Variants in ASTN1 observed in about 807,000 individuals in gnomAD.
ASTN1 encodes astrotactin 1.
Under a neutral mutation model 140.7 loss-of-function variants are expected in ASTN1, and 41 were observed. The observed-to-expected ratio is 0.29, with a 90% CI of 0.23 to 0.38. The LOEUF (loss-of-function observed/expected upper bound fraction) is 0.38. ASTN1 is among the 10% of genes least tolerant of loss of function. The pLI is 1.00. For synonymous variants in ASTN1, 640 were observed against 652.2 expected (o/e 0.98, Z 0.29); for missense variants, 1,479 against 1,678.8 (o/e 0.88, Z 2.08).
chr1:176,991,125 C>T (rs1055842729), intron 8 of ASTN1, among the ~76,000 whole-genome samples: 3 of 152,020 alleles, frequency 2.0e-5, no homozygotes, highest in Non-Finnish European at 2.9e-5. Flanking sequence ...ATTATAGAGC[C>T]GGCCGGGTGC....
intron 8 of ASTN1, among the ~76,000 whole-genome samples, chr1:176,991,575 G>A (rs1195907464): frequency 3.9e-5 from 6 of 152,160 alleles, no homozygotes; most frequent in Admixed American, 6.5e-5. Context: ...CAGGCGACCT[G>A]ATCGCTCGAT....
chr1:177,079,246 TTC>T (rs1423954310), intron 1 of ASTN1, among the ~76,000 whole-genome samples: 3 of 151,978 alleles, frequency 2.0e-5, no homozygotes, highest in African/African-American at 7.3e-5. Context: ...TGAGAGAGTG[TTC>T]TGACTGTAGA....
chr1:177,026,421 T>G lies in ASTN1; in HGVS notation c.1121-1689A>C, dbSNP rs564545666. On this transcript the variant is annotated intron_variant, in intron 5 of 22. Coordinates refer to ENST00000361833, the MANE Select transcript of ASTN1 (RefSeq NM_004319.3). ...CTGCCACACATTTGGTTGCTCAAAT[T>G]TAAAAACTCCATTATATCCAACTCT... is the stretch of plus-strand genomic sequence containing the variant. Among the ~76,000 whole-genome samples, 4 of 152,184 alleles carry G rather than the reference T, an allele frequency of 2.6e-5. No individual in the cohort carries two copies. The East Asian group carries it at 7.7e-4, about 29-fold the overall frequency.
chr1:176,981,211 C>CAAA (rs35209486), intron 8 of ASTN1, among the ~76,000 whole-genome samples: 303 of 24,064 alleles, frequency 0.013, 36 homozygotes, highest in African/African-American at 0.025. Context: ...GACTCTGTCT[C>CAAA]AAAAAAAAAA....
At chr1:177,113,067 G>A (rs1680898956) in intron 1 of ASTN1, among the ~76,000 whole-genome samples, 1 of 152,166 alleles carries the variant, frequency 6.6e-6, no homozygotes, top group Non-Finnish European at 1.5e-5. Flanking sequence ...GAGGTCAGCA[G>A]CCCTCCTGAC....
chr1:177,121,683 C>T (rs545049363), intron 1 of ASTN1, among the ~76,000 whole-genome samples: 1 of 152,178 alleles, frequency 6.6e-6, no homozygotes, highest in African/African-American at 2.4e-5. Flanking sequence ...TTCTTTAAGG[C>T]TCTGTGAGCT....
chr1:176,910,219 C>T (rs974567279), intron 16 of ASTN1, among the ~76,000 whole-genome samples: 1 of 152,174 alleles, frequency 6.6e-6, no homozygotes, highest in African/African-American at 2.4e-5. Context: ...CAAGAAGCAA[C>T]CAATGCTGGA....
chr1:176,981,298 C>T (rs1426592133), intron 8 of ASTN1: 1 of 146,370 alleles, frequency 6.8e-6, no homozygotes, highest in African/African-American at 2.5e-5. Context: ...TCAGGACCTA[C>T]AGCTTAAGGA....
chr1:177,045,238 A>G (rs1180331911), intron 2 of ASTN1, among the ~76,000 whole-genome samples: 1 of 152,178 alleles, frequency 6.6e-6, no homozygotes, highest in Non-Finnish European at 1.5e-5. Context: ...TGCTCCCCAT[A>G]TCATGGCTCT....
chr1:177,164,641 G>A lies in ASTN1; in HGVS notation c.36C>T (p.Cys12=), dbSNP rs1415318194. 1.3e-5 allele frequency: 21 copies of A among 1,602,626 alleles called. No homozygotes were observed. The highest frequency in any genetic ancestry group is 2.3e-5 in the East Asian group (1 of 44,440). Residue 12 remains cysteine (C), a synonymous_variant, in exon 1 of 23, where the codon TGC becomes TGT. Transcript: ENST00000361833. ...CCAGCACCGCCGCCGGCCCCCAGCA[G>A]CAGGCGAGCAGGGCGCAGAGCCCGG... ...ALAGLCALLA[C]CWGPAAVLAT...
intron 8 of ASTN1, among the ~76,000 whole-genome samples, chr1:176,993,708 T>A (rs1253327498): frequency 6.6e-6 from 1 of 152,184 alleles, no homozygotes. Flanking sequence ...TGGTAATCTA[T>A]GGGGTAATTT....
At chr1:177,103,149 CACT>C (rs1489832479) in intron 1 of ASTN1, among the ~76,000 whole-genome samples, 1 of 152,176 alleles carries the variant, frequency 6.6e-6, no homozygotes, top group Non-Finnish European at 1.5e-5. Context: ...GTGCAGAAAG[CACT>C]GAGTGATGCA....
At chr1:176,900,241 C>G (rs981628072) in intron 16 of ASTN1, among the ~76,000 whole-genome samples, 1 of 152,160 alleles carries the variant, frequency 6.6e-6, no homozygotes. Context: ...GGATCTCTCC[C>G]ACAAGTAACA....
chr1:176,974,301 A>C (rs1463173571), intron 8 of ASTN1, among the ~76,000 whole-genome samples: 1 of 152,202 alleles, frequency 6.6e-6, no homozygotes, highest in Non-Finnish European at 1.5e-5. Flanking sequence ...ACTTTCAATA[A>C]CCTTGGGATG....
intron 16 of ASTN1, among the ~76,000 whole-genome samples, chr1:176,915,759 G>C (rs968136601): frequency 3.3e-5 from 5 of 152,218 alleles, no homozygotes; most frequent in African/African-American, 1.2e-4. Flanking sequence ...GCGGGGAGGA[G>C]AGGGAGGGCA....
chr1:176,919,337 G>A (rs1485591213), intron 16 of ASTN1, among the ~76,000 whole-genome samples: 1 of 152,158 alleles, frequency 6.6e-6, no homozygotes, highest in Non-Finnish European at 1.5e-5. Context: ...ATGTTTAACT[G>A]TAGATCATTA....
chr1:177,103,149 C>T (rs1680379942), intron 1 of ASTN1, among the ~76,000 whole-genome samples: 2 of 152,176 alleles, frequency 1.3e-5, no homozygotes, highest in Admixed American at 1.3e-4. Flanking sequence ...GTGCAGAAAG[C>T]ACTGAGTGAT....
intron 8 of ASTN1, among the ~76,000 whole-genome samples, chr1:176,967,395 A>G (rs920360798): frequency 5.3e-5 from 8 of 152,186 alleles, no homozygotes; most frequent in African/African-American, 1.9e-4. Context: ...TGAGAAAAAA[A>G]TATTCCCTAT....
chr1:176,934,266 C>G lies in ASTN1; in HGVS notation c.2557G>C (p.Gly853Arg). The change falls in exon 16 of 23, where the codon GGC (glycine) becomes CGC (arginine). Residue 853 changes from glycine to arginine, a missense_variant. By Grantham distance (125) the Gly-to-Arg change is moderately radical. Around this residue, in one of 3 missense-constraint regions of ASTN1, gnomAD observed 746 missense variants for 800.9 expected, o/e 0.93. Coordinates refer to ENST00000361833, the MANE Select transcript of ASTN1 (RefSeq NM_004319.3). Reference protein sequence around the residue: ...ADFVALLDQFGNHYIQEAIYG... With the variant: ...ADFVALLDQFRNHYIQEAIYG... Reference sequence around the variant, plus strand: ...ATAGCTTCCTGGATGTAATGGTTGCCGAACTGGTCCAACAGCGCCACAAAA... The same window carrying G: ...ATAGCTTCCTGGATGTAATGGTTGCGGAACTGGTCCAACAGCGCCACAAAA... 1.2e-6 allele frequency: 2 copies of G among 1,613,968 alleles called. No individual in the cohort carries two copies. Among genetic ancestry groups the G allele is most frequent in the Non-Finnish European group, 1.7e-6 (2 of 1,179,942 alleles).
Sources: gnomAD v4.1 joint callset for allele counts (sites outside exome capture counted in the v4.1 genomes callset) on GRCh38, gnomAD v4.1.1 for gene constraint, gnomAD v4.1.1 regional missense constraint, MANE v1.5 for transcripts, NCBI Gene and HGNC (gene_info 2026-07-23, HGNC 2026-07-21) for gene names.